PIGR: variants seen among roughly 807,000 people sequenced by gnomAD.
PIGR encodes the protein hepatocellular carcinoma associated protein TB6.
A neutral mutation model predicts 69.5 loss-of-function variants in PIGR; 22 were observed. The ratio of observed to expected loss-of-function variants is 0.32; its 90% CI spans 0.23 to 0.45. The LOEUF (loss-of-function observed/expected upper bound fraction) is 0.45. PIGR is among the 20% of genes least tolerant of loss of function. The pLI, the probability that PIGR is intolerant of heterozygous loss-of-function variation, is 1.00. For synonymous variants in PIGR, 413 were observed against 407.6 expected (o/e 1.01, Z -0.16); for missense variants, 885 against 974.0 (o/e 0.91, Z 1.22).
chr1:206,939,125 T>G lies in PIGR; in HGVS notation c.382A>C (p.Ser128Arg), dbSNP rs1218480326. ...AAGGAGCTTGGATCCTTACCCTGGCTGACCTCCAGGCTGACATCAAAGGAC... is the reference window on the plus strand; with the variant it reads ...AAGGAGCTTGGATCCTTACCCTGGCGGACCTCCAGGCTGACATCAAAGGAC... ...GLSFDVSLEV[S>R]QGPGLLNDTK... Residue 128 changes from serine to arginine, a missense_variant, in exon 3 of 11, where the codon AGC becomes CGC. Physicochemically the swap from Ser to Arg is moderately radical, Grantham distance 110. Coordinates refer to ENST00000356495, the MANE Select transcript of PIGR (RefSeq NM_002644.4). 6.2e-7 allele frequency: 1 copy of G among 1,604,708 alleles called. No homozygotes were observed.
In PIGR at chr1:206,939,107, T is replaced by C; in HGVS notation, c.388+12A>G. 1 of 1,593,942 alleles carries C rather than the reference T, an allele frequency of 6.3e-7. No homozygotes were observed. Among genetic ancestry groups the C allele is most frequent in the Non-Finnish European group, 8.6e-7 (1 of 1,165,394 alleles). ...ACTTTCCCCCAGAAGCCCAAGGAGCTTGGATCCTTACCCTGGCTGACCTCC... is the reference window on the plus strand; with the variant it reads ...ACTTTCCCCCAGAAGCCCAAGGAGCCTGGATCCTTACCCTGGCTGACCTCC... On this transcript the variant is annotated intron_variant, in intron 3 of 10. Transcript: ENST00000356495.
rs116903741 is a variant in PIGR, at chr1:206,945,342, C to T, written c.-54+994G>A. On this transcript the variant is annotated intron_variant, in intron 1 of 10. Coordinates refer to ENST00000356495, the MANE Select transcript of PIGR (RefSeq NM_002644.4). ...GGCCCCAGGCACTGTGGCAATTGCACAAAGGGAACTGGGGGTCAGGGATGG... is the reference window on the plus strand; with the variant it reads ...GGCCCCAGGCACTGTGGCAATTGCATAAAGGGAACTGGGGGTCAGGGATGG... Among the ~76,000 whole-genome samples the T allele has an allele frequency of 3.0e-4, 46 of 152,306 alleles. No individual in the cohort carries two copies. The East Asian group carries it at 6.2e-3, about 20-fold the overall frequency.
At chr1:206,944,772 A>G (rs919254405) in intron 1 of PIGR, among the ~76,000 whole-genome samples, 1 of 152,068 alleles carries the variant, frequency 6.6e-6, no homozygotes, top group Non-Finnish European at 1.5e-5. Flanking sequence ...TAAGTTGGAT[A>G]GTTTGCTTTT....
rs1009788513 is a variant in PIGR, at chr1:206,929,809, T to C, written c.*509A>G. ...TTCACTGGTGTCCTCAGAAAGGCTG[T>C]GAGCAGTGTTGGTGGCATACCTGTC... On this transcript the variant is annotated 3_prime_UTR_variant, in exon 11 of 11. Coordinates refer to ENST00000356495, the MANE Select transcript of PIGR (RefSeq NM_002644.4). The C allele has an allele frequency of 1.3e-5, 2 of 152,502 alleles. No homozygotes were observed. Among genetic ancestry groups the C allele is most frequent in the Admixed American group, 1.3e-4 (2 of 15,294 alleles). 9.4% of individuals were successfully genotyped at this position (152,502 alleles called of 1,614,324 possible).
chr1:206,938,299 G>T (rs906813959), intron 3 of PIGR, among the ~76,000 whole-genome samples: 1 of 152,222 alleles, frequency 6.6e-6, no homozygotes, highest in Non-Finnish European at 1.5e-5. Context: ...TCATCAGCAT[G>T]TTCTTCTAAG....
chr1:206,933,613 T>C (rs1679805419), intron 6 of PIGR, among the ~76,000 whole-genome samples: 1 of 152,190 alleles, frequency 6.6e-6, no homozygotes, highest in South Asian at 2.1e-4. Context: ...ATACCCTTAT[T>C]AGGGCTAAAA....
intron 3 of PIGR, among the ~76,000 whole-genome samples, chr1:206,938,389 C>A (rs1679910063): frequency 6.6e-6 from 1 of 152,220 alleles, no homozygotes; most frequent in African/African-American, 2.4e-5. Flanking sequence ...ACCTAAATGA[C>A]CTCCTCATTT....
At chr1:206,938,441 A>G (rs1272665864) in intron 3 of PIGR, among the ~76,000 whole-genome samples, 1 of 152,232 alleles carries the variant, frequency 6.6e-6, no homozygotes, top group Admixed American at 6.5e-5. Flanking sequence ...GGAGCAAGAC[A>G]TGTCTTTGGG....
chr1:206,935,031 CCT>C lies in PIGR; in HGVS notation c.1379-287_1379-286del, dbSNP rs922503461. Among the ~76,000 whole-genome samples, 3 of 152,122 alleles carry C rather than the reference CCT, an allele frequency of 2.0e-5. No individual in the cohort carries two copies. The highest frequency in any genetic ancestry group is 7.2e-5 in the African/African-American group (3 of 41,396). On this transcript the variant is annotated intron_variant, in intron 5 of 10. Transcript: ENST00000356495. The surrounding 1 kb of genome is among the most constrained non-coding windows in gnomAD (Gnocchi z 4.4). The stretch of plus-strand genomic sequence containing the variant: ...GCACCACCATGTTCAGTCTACATAT[CCT>C]CTTTGGATAGCATTAGAAATAAGTA...
At chr1:206,933,250 A>G in intron 6 of PIGR, 84 bp from the exon 7 acceptor site, 1 of 1,387,588 alleles carries the variant, frequency 7.2e-7, no homozygotes, top group Non-Finnish European at 9.9e-7. Context: ...GGGAGACTTC[A>G]TGAGGAATCA....
chr1:206,932,427 G>A (rs1679772058), intron 8 of PIGR, 29 bp downstream of exon 8: 2 of 1,591,664 alleles, frequency 1.3e-6, no homozygotes, highest in African/African-American at 2.7e-5. Flanking sequence ...GGTTGGAGGT[G>A]GGAGGCAGGG....
chr1:206,934,351 C>T (rs908701), intron 6 of PIGR, 69 bp downstream of exon 6: 87,203 of 1,359,634 alleles, frequency 0.064, 13,134 homozygotes, highest in African/African-American at 0.56. Flanking sequence ...GAGAAGCTCT[C>T]AGGCAGGGGC....
rs780259516 is a variant in PIGR, at chr1:206,933,117, C to G, written c.1755G>C (p.Lys585Asn). The stretch of plus-strand genomic sequence containing the variant: ...TCTCCCGAAAACCAGAGTCTAGCAC[C>G]TTCTCATCAGGAGCAGCGTCTGCCT... ...LAKADAAPDE[K>N]VLDSGFREIE... The change falls in exon 7 of 11, where the codon AAG becomes AAC. Residue 585 changes from lysine (K) to asparagine (N), a missense_variant. Physicochemically the swap from Lys to Asn is moderately conservative, Grantham distance 94. Transcript: ENST00000356495. The G allele has an allele frequency of 6.2e-7, 1 of 1,614,062 alleles. No individual in the cohort carries two copies. The highest frequency in any genetic ancestry group is 1.1e-5 in the South Asian group (1 of 91,086).
chr1:206,937,781 C>A (rs1402639212), intron 3 of PIGR, 30 bp from the exon 4 acceptor site: 1 of 1,601,286 alleles, frequency 6.2e-7, no homozygotes, highest in Non-Finnish European at 8.5e-7. Flanking sequence ...AGGTAGGGGG[C>A]AGGCAAGTTA....
chr1:206,944,846 A>G (rs1429895083), intron 1 of PIGR, among the ~76,000 whole-genome samples: 2 of 152,134 alleles, frequency 1.3e-5, no homozygotes, highest in African/African-American at 2.4e-5. Flanking sequence ...TCATCGTTCA[A>G]ACTTGCTGGT....
intron 6 of PIGR, among the ~76,000 whole-genome samples, chr1:206,933,900 A>G (rs1203175084): frequency 6.7e-6 from 1 of 150,050 alleles, no homozygotes; most frequent in Non-Finnish European, 1.5e-5. Flanking sequence ...AATGGAATCT[A>G]GCTCTGTTGC....
At position 206,937,319 on chromosome 1, in the gene PIGR, C is replaced by T. The variant is rs1215524081; in HGVS notation, c.821G>A (p.Ser274Asn). The change falls in exon 4 of 11, where the codon AGC becomes AAC. Residue 274 changes from serine (S) to asparagine (N), a missense_variant. Physicochemically the swap from Ser to Asn is conservative, Grantham distance 46. Coordinates refer to ENST00000356495, the MANE Select transcript of PIGR (RefSeq NM_002644.4). ...ANVAKFLCRQSSGENCDVVVN... is the reference protein window; with the variant it reads ...ANVAKFLCRQNSGENCDVVVN... ...GACCACGTCACAGTTTTCCCCACTG[C>T]TCTGTCGGCACAGAAATTTGGCCAC... The T allele has an allele frequency of 8.7e-6, 14 of 1,612,898 alleles. No homozygotes were observed. The highest frequency in any genetic ancestry group is 1.2e-5 in the Non-Finnish European group (14 of 1,179,342).
rs994277138 is a variant in PIGR, at chr1:206,935,335, G to A, written c.1378+151C>T. On this transcript the variant is annotated intron_variant, in intron 5 of 10. Transcript: ENST00000356495. This position sits in a 1 kb window ranked among gnomAD's most constrained non-coding sequence, Gnocchi z 4.4. ...TTCAGAGTGTAAGGTGCGTGTTATAGGCATGAAAATGTGACCTCTGGATAG... is the reference window on the plus strand; with the variant it reads ...TTCAGAGTGTAAGGTGCGTGTTATAAGCATGAAAATGTGACCTCTGGATAG... 40 of 655,312 alleles carry A rather than the reference G, an allele frequency of 6.1e-5. No homozygotes were observed. The highest frequency in any genetic ancestry group is 4.7e-4 in the South Asian group (26 of 55,116). 40.6% of individuals were successfully genotyped at this position (655,312 alleles called of 1,614,324 possible). A position where few individuals can be genotyped will look rare whatever the true frequency, so the allele number is the denominator to read the frequency against.
At chr1:206,934,259 C>T (rs1426309837) in intron 6 of PIGR, among the ~76,000 whole-genome samples, 161 bp downstream of exon 6, 1 of 152,156 alleles carries the variant, frequency 6.6e-6, no homozygotes. Flanking sequence ...CTCAACGAGG[C>T]TATATAGGAC....
Sources: allele counts gnomAD v4.1 joint callset (sites outside exome capture counted in the v4.1 genomes callset), GRCh38; gene constraint gnomAD v4.1.1; non-coding constraint Gnocchi (gnomAD v3.1); transcripts MANE v1.5; gene names NCBI Gene and HGNC (gene_info 2026-07-23, HGNC 2026-07-21).